Variants in FYCO1 observed in about 807,000 individuals in gnomAD.
FYCO1 encodes the protein FYVE and coiled-coil domain autophagy adaptor 1.
A neutral mutation model predicts 165.1 loss-of-function variants in FYCO1; 122 were observed. That is an observed-to-expected ratio of 0.74 (90% CI 0.64 to 0.86). The LOEUF (loss-of-function observed/expected upper bound fraction) is 0.86. FYCO1 is among the 40% of genes least tolerant of loss of function. FYCO1 has a pLI of 0.00. For missense variants in FYCO1, 1,702 were observed against 1,810.3 expected, an observed-to-expected ratio of 0.94 and a Z score of 1.09; for synonymous variants, 648 against 742.5, an observed-to-expected ratio of 0.87 and a Z score of 2.07.
chr3:45,932,572 G>A (rs1703685287), intron 15 of FYCO1, among the ~76,000 whole-genome samples: 1 of 152,222 alleles, frequency 6.6e-6, no homozygotes, highest in Non-Finnish European at 1.5e-5. Flanking sequence ...CTTTAACACA[G>A]GGGAGGGAAT....
Position 45,931,136 on chromosome 3 carries a change from G to A in FYCO1, c.4186C>T (p.Pro1396Ser). The A allele has an allele frequency of 6.2e-7, 1 of 1,614,006 alleles. No homozygotes were observed. The highest frequency in any genetic ancestry group is 8.5e-7 in the Non-Finnish European group (1 of 1,179,908). Reference sequence around the variant, plus strand: ...ACCACACTGAAGGAGATGCTCTTGGGGTCAGAGGAGAAGACCCAGCTGATG... The same window carrying A: ...ACCACACTGAAGGAGATGCTCTTGGAGTCAGAGGAGAAGACCCAGCTGATG... ...LTISWVFSSDPKSISFSVVFQ... is the reference protein window; with the variant it reads ...LTISWVFSSDSKSISFSVVFQ... The change falls in exon 16 of 18, where the codon CCC (proline) becomes TCC (serine). Residue 1396 changes from proline to serine, a missense_variant. Pro to Ser is a moderately conservative substitution (Grantham distance 74). Transcript: ENST00000296137.
At chr3:45,959,242 C>A (rs1651952913) in intron 12 of FYCO1, 151 bp downstream of exon 12, 2 of 844,456 alleles carry the variant, frequency 2.4e-6, no homozygotes, top group Non-Finnish European at 4.0e-6. Context: ...ACCTTCCTTA[C>A]CTGGTTCCCT....
chr3:45,995,771 C>A lies in FYCO1; in HGVS notation c.-162G>T, dbSNP rs1055306524. ...AGAACCGAAACTTTCTGGGGCCAAG[C>A]GGAAGAGGACGGGAACGCGGTGCTG... On this transcript the variant is annotated 5_prime_UTR_variant, in exon 1 of 18. Coordinates refer to ENST00000296137, the MANE Select transcript of FYCO1 (RefSeq NM_024513.4). 1 of 152,682 alleles carries A rather than the reference C, an allele frequency of 6.5e-6. No individual in the cohort carries two copies. Among genetic ancestry groups the A allele is most frequent in the Non-Finnish European group, 1.5e-5 (1 of 68,096 alleles). The allele number at this position is 152,682 out of a possible 1,614,324, so 9.5% of individuals were successfully genotyped here.
At chr3:45,985,393 C>T (rs1448740117) in intron 1 of FYCO1, among the ~76,000 whole-genome samples, 1 of 152,218 alleles carries the variant, frequency 6.6e-6, no homozygotes, top group Non-Finnish European at 1.5e-5. Flanking sequence ...TGCAGCCCAG[C>T]TTCAGACAGC....
chr3:45,985,082 A>G, intron 1 of FYCO1, 60 bp from the exon 2 acceptor site: 2 of 715,182 alleles, frequency 2.8e-6, no homozygotes, highest in East Asian at 5.3e-5. Flanking sequence ...TAACGACAAT[A>G]TTAGAGAACT....
chr3:45,929,733 T>C (rs1703499098), intron 16 of FYCO1, among the ~76,000 whole-genome samples: 1 of 152,200 alleles, frequency 6.6e-6, no homozygotes, highest in South Asian at 2.1e-4. Context: ...AGACAGAATA[T>C]GAGATTCCAA....
chr3:45,918,507 TA>T lies in FYCO1; in HGVS notation c.*3257del, dbSNP rs11349487. On this transcript the variant is annotated 3_prime_UTR_variant, in exon 18 of 18. Coordinates refer to ENST00000296137, the MANE Select transcript of FYCO1 (RefSeq NM_024513.4). ...CATCACGAATGGCTTCTCTCTGCTT[TA>T]ATTCCCAACACCTCTGAGCCAAGGA... 0.38 allele frequency: 57,286 copies of T among 151,896 alleles called. 13,874 individuals carry two copies. The highest frequency in any genetic ancestry group is 0.69 in the African/African-American group (28,729 of 41,338). The allele number at this position is 151,896 out of a possible 1,614,324, so 9.4% of individuals were successfully genotyped here.
At chr3:45,936,651 G>A in intron 14 of FYCO1, 108 bp from the exon 15 acceptor site, 1 of 798,378 alleles carries the variant, frequency 1.3e-6, no homozygotes, top group Non-Finnish European at 2.2e-6. Context: ...CAGATGCATG[G>A]GGGATCCTTT....
At chr3:45,937,194 C>G (rs899137125) in intron 14 of FYCO1, among the ~76,000 whole-genome samples, 9 of 152,194 alleles carry the variant, frequency 5.9e-5, no homozygotes, top group African/African-American at 1.9e-4. Context: ...CCTCAGAGCC[C>G]AACCAGCTCC....
At chr3:45,977,700 T>A (rs1028281973) in intron 4 of FYCO1, among the ~76,000 whole-genome samples, 1 of 152,058 alleles carries the variant, frequency 6.6e-6, no homozygotes, top group African/African-American at 2.4e-5. Context: ...CTCATCACAG[T>A]GAAACACAGT....
At chr3:45,924,737 C>T (rs529119321) in intron 16 of FYCO1, among the ~76,000 whole-genome samples, 8 of 149,548 alleles carry the variant, frequency 5.3e-5, no homozygotes, top group Admixed American at 1.3e-4. Flanking sequence ...CTCAGTGTCC[C>T]GAGTAGTAGG....
intron 14 of FYCO1, chr3:45,945,451 T>G (rs1166163112): frequency 6.6e-6 from 1 of 152,216 alleles, no homozygotes; most frequent in Non-Finnish European, 1.5e-5. Context: ...CCATGGTCTT[T>G]GGCAGGGTCA....
intron 8 of FYCO1, among the ~76,000 whole-genome samples, chr3:45,965,469 T>C (rs879684729): frequency 6.6e-6 from 1 of 151,992 alleles, no homozygotes; most frequent in Non-Finnish European, 1.5e-5. Flanking sequence ...AGCCTGAGAG[T>C]GCACAGACCT....
chr3:45,948,694 A>G (rs1362463474), intron 14 of FYCO1, among the ~76,000 whole-genome samples: 1 of 152,218 alleles, frequency 6.6e-6, no homozygotes, highest in Non-Finnish European at 1.5e-5. Flanking sequence ...CACTCACCAA[A>G]ATACGGAGAA....
chr3:45,928,092 G>T (rs781379807), intron 16 of FYCO1, among the ~76,000 whole-genome samples: 7 of 152,208 alleles, frequency 4.6e-5, no homozygotes, highest in African/African-American at 7.2e-5. Context: ...TGGGGGCAGA[G>T]GTTGGGGAGT....
At chr3:45,947,193 G>A in intron 14 of FYCO1, 1 of 1,614,130 alleles carries the variant, frequency 6.2e-7, no homozygotes, top group Non-Finnish European at 8.5e-7. Context: ...CCTGGTGATG[G>A]CTGTGTTCCT....
chr3:45,975,831 C>T (rs562765838), intron 4 of FYCO1, among the ~76,000 whole-genome samples: 2 of 151,992 alleles, frequency 1.3e-5, no homozygotes, highest in African/African-American at 2.4e-5. Context: ...TTTTAAGGTG[C>T]GTGGGGAACA....
rs1026434986 is a variant in FYCO1 at position 45,967,251 on chromosome 3, T to A, written c.2083A>T (p.Met695Leu). The A allele has an allele frequency of 2.5e-6, 4 of 1,614,126 alleles. No homozygotes were observed. The African/African-American group carries it at 4.0e-5, about 16-fold the overall frequency. Reference protein sequence around the residue: ...RKAKEAMKAQMAEKEAILQSK... With the variant: ...RKAKEAMKAQLAEKEAILQSK... Reference sequence around the variant, plus strand: ...TGTAGAATGGCCTCCTTCTCTGCCATCTGGGCTTTCATGGCCTCCTTGGCC... The same window carrying A: ...TGTAGAATGGCCTCCTTCTCTGCCAACTGGGCTTTCATGGCCTCCTTGGCC... Residue 695 changes from methionine to leucine, a missense_variant, in exon 8 of 18, where the codon ATG (methionine) becomes TTG (leucine). By Grantham distance (15) the Met-to-Leu change is conservative. Coordinates refer to ENST00000296137, the MANE Select transcript of FYCO1 (RefSeq NM_024513.4).
chr3:45,956,380 A>ATAAG (rs1705327911), intron 13 of FYCO1, among the ~76,000 whole-genome samples: 1 of 147,836 alleles, frequency 6.8e-6, no homozygotes, highest in East Asian at 1.9e-4. Context: ...AAATAAATAA[A>ATAAG]TGAGTAGACA....
Sources: allele counts gnomAD v4.1 joint callset (sites outside exome capture counted in the v4.1 genomes callset), GRCh38; gene constraint gnomAD v4.1.1; transcripts MANE v1.5; gene names NCBI Gene and HGNC (gene_info 2026-07-23, HGNC 2026-07-21).